Variants in CALN1 observed in about 807,000 individuals in gnomAD.
CALN1 encodes the protein calneuron 1, also known as calcium-binding protein 8.
A neutral mutation model predicts 30.6 loss-of-function variants in CALN1; 17 were observed. That is an observed-to-expected ratio of 0.56 (90% confidence interval 0.38 to 0.83). The LOEUF (loss-of-function observed/expected upper bound fraction) is 0.83. Among genes scored for constraint, CALN1 ranks in the 40% least tolerant of loss-of-function variants. The pLI is 0.00. For missense variants in CALN1, 291 were observed against 354.9 expected (o/e 0.82, Z 1.45); for synonymous variants, 156 against 131.4 (o/e 1.19, Z -1.28).
intron 3 of CALN1, among the ~76,000 whole-genome samples, chr7:72,219,597 T>C (rs1793108746): frequency 6.6e-6 from 1 of 151,986 alleles, no homozygotes; most frequent in South Asian, 2.1e-4. Flanking sequence ...TAGTACTCCT[T>C]GATACAATTT....
rs1223557859 is a variant in CALN1, at chr7:72,392,119, C to G, written c.119+11132G>C. 3.9e-5 allele frequency among the ~76,000 whole-genome samples: 6 copies of G among 152,192 alleles called. No individual in the cohort carries two copies. The East Asian group carries it at 7.7e-4, about 20-fold the overall frequency. ...TCTTACAACCCAGATACCAAGCTGT[C>G]AGAACACAAGCCACATGGCAAAACC... On this transcript the variant is annotated intron_variant, in intron 2 of 6. Coordinates refer to ENST00000395275, the MANE Select transcript of CALN1 (RefSeq NM_031468.4).
chr7:72,387,803 A>G (rs1805328106), intron 2 of CALN1, among the ~76,000 whole-genome samples: 1 of 152,198 alleles, frequency 6.6e-6, no homozygotes. Flanking sequence ...GACAAACACC[A>G]CATGATCTCA....
intron 2 of CALN1, among the ~76,000 whole-genome samples, chr7:72,342,183 C>A (rs1199715132): frequency 6.7e-6 from 1 of 149,208 alleles, no homozygotes; most frequent in Non-Finnish European, 1.5e-5. Context: ...GGTTTGAGCC[C>A]AGGAGTTCGA....
intron 3 of CALN1, among the ~76,000 whole-genome samples, chr7:72,187,655 C>A (rs1790300756): frequency 6.6e-6 from 1 of 152,194 alleles, no homozygotes; most frequent in Non-Finnish European, 1.5e-5. Flanking sequence ...CTGGTCCCTG[C>A]TGCCAAAAGG....
At chr7:72,348,461 G>A (rs190307656) in intron 2 of CALN1, among the ~76,000 whole-genome samples, 1 of 152,330 alleles carries the variant, frequency 6.6e-6, no homozygotes, top group East Asian at 1.9e-4. Context: ...CTGGAGAGGA[G>A]AAGGCAACAC....
At chr7:71,952,769 C>A (rs952343636) in intron 5 of CALN1, among the ~76,000 whole-genome samples, 8 of 152,140 alleles carry the variant, frequency 5.3e-5, no homozygotes, top group Non-Finnish European at 7.3e-5. Context: ...CAAGCCCCAC[C>A]ATGCTCTTGT....
chr7:71,961,581 AAAAC>A (rs1797249971), intron 5 of CALN1, among the ~76,000 whole-genome samples: 1 of 152,102 alleles, frequency 6.6e-6, no homozygotes, highest in African/African-American at 2.4e-5. Context: ...TCTCACTATT[AAAAC>A]AAACAAAAAG....
the CALN1 span, among the ~76,000 whole-genome samples, chr7:72,495,666 A>G: frequency 6.6e-6 from 1 of 152,236 alleles, no homozygotes; most frequent in Non-Finnish European, 1.5e-5. Context: ...AATGGCCTCA[A>G]GAAAACAGAG....
chr7:72,343,158 G>C (rs1217278220), intron 2 of CALN1, among the ~76,000 whole-genome samples: 1 of 152,170 alleles, frequency 6.6e-6, no homozygotes, highest in Non-Finnish European at 1.5e-5. Context: ...AGGACCTTTG[G>C]AAAACTCTTG....
intron 3 of CALN1, among the ~76,000 whole-genome samples, chr7:72,158,080 G>A (rs755699544): frequency 7.2e-5 from 11 of 152,166 alleles, no homozygotes; most frequent in Non-Finnish European, 1.5e-4. Context: ...CACAGAATCA[G>A]ATTTATATTT....
intron 3 of CALN1, among the ~76,000 whole-genome samples, chr7:72,163,306 A>C (rs780596280): frequency 1.3e-5 from 2 of 151,948 alleles, no homozygotes; most frequent in Admixed American, 6.6e-5. Context: ...GAATAAAAAC[A>C]ACATTATTCA....
chr7:72,136,125 ACT>A (rs1169738881), intron 3 of CALN1, among the ~76,000 whole-genome samples: 6 of 149,482 alleles, frequency 4.0e-5, no homozygotes, highest in Non-Finnish European at 8.9e-5. Flanking sequence ...ACAGAAAAAG[ACT>A]CTGTCTCAAA....
chr7:71,891,598 T>A (rs1327393579), intron 5 of CALN1, among the ~76,000 whole-genome samples: 2 of 152,210 alleles, frequency 1.3e-5, no homozygotes, highest in Non-Finnish European at 2.9e-5. Context: ...TACATAGGGT[T>A]CTTGAGAGAA....
intron 4 of CALN1, among the ~76,000 whole-genome samples, chr7:72,098,534 T>A (rs767629907): frequency 6.6e-6 from 1 of 151,878 alleles, no homozygotes; most frequent in Non-Finnish European, 1.5e-5. Context: ...TGAGACTTCA[T>A]CTCTGCAAAG....
intron 3 of CALN1, among the ~76,000 whole-genome samples, chr7:72,106,895 GA>G (rs1469402254): frequency 1.4e-5 from 2 of 142,076 alleles, no homozygotes; most frequent in African/African-American, 5.3e-5. Flanking sequence ...AAAGAAGAAA[GA>G]AAAAGGAAGG....
At chr7:71,989,001 CT>C (rs902111466) in intron 5 of CALN1, among the ~76,000 whole-genome samples, 41 of 152,304 alleles carry the variant, frequency 2.7e-4, no homozygotes, top group African/African-American at 9.1e-4. Context: ...AAGCCCTGTG[CT>C]TTTTTCTATT....
chr7:72,330,890 T>C (rs1227335861), intron 2 of CALN1, among the ~76,000 whole-genome samples: 1 of 152,210 alleles, frequency 6.6e-6, no homozygotes, highest in Non-Finnish European at 1.5e-5. Flanking sequence ...ACTTCGATTT[T>C]ACTTCTCCAC....
At chr7:71,906,392 G>A (rs963506819) in intron 5 of CALN1, among the ~76,000 whole-genome samples, 19 of 152,202 alleles carry the variant, frequency 1.2e-4, no homozygotes, top group African/African-American at 4.6e-4. Flanking sequence ...ACTCCGAATG[G>A]GTGGGGAGAT....
chr7:72,269,365 C>T (rs931105176), intron 3 of CALN1, among the ~76,000 whole-genome samples: 1 of 152,042 alleles, frequency 6.6e-6, no homozygotes, highest in Non-Finnish European at 1.5e-5. Flanking sequence ...CCCCTGCCCC[C>T]ACTCCACAAC....
Sources: allele counts gnomAD v4.1 joint callset (sites outside exome capture counted in the v4.1 genomes callset), GRCh38; gene constraint gnomAD v4.1.1; transcripts MANE v1.5; gene names NCBI Gene and HGNC (gene_info 2026-07-23, HGNC 2026-07-21).